PRIMPOL: variants seen among roughly 807,000 people sequenced by gnomAD.
The protein encoded by PRIMPOL is DNA-directed primase/polymerase protein.
PRIMPOL carries 54 observed loss-of-function variants against 63.6 expected under a neutral mutation model. That is an observed-to-expected ratio of 0.85 (90% CI 0.68 to 1.07). The LOEUF (loss-of-function observed/expected upper bound fraction) is 1.07, where lower values mean the gene tolerates loss of function less well. Ranked by LOEUF, PRIMPOL falls within the 50% of genes least tolerant of loss-of-function variation. The pLI, the probability that PRIMPOL is intolerant of heterozygous loss-of-function variation, is 0.00. For missense variants in PRIMPOL, 610 were observed against 648.3 expected (o/e 0.94, Z 0.64); for synonymous variants, 197 against 220.2 (o/e 0.89, Z 0.93).
intron 3 of PRIMPOL, 47 bp downstream of exon 3, chr4:184,657,367 C>T (rs755570443): frequency 3.9e-6 from 5 of 1,292,972 alleles, no homozygotes; most frequent in Non-Finnish European, 5.3e-6. Flanking sequence ...TCCACTTCCT[C>T]TTCTTTCTTC....
At chr4:184,692,411 T>C (rs1342701018) in intron 13 of PRIMPOL, among the ~76,000 whole-genome samples, 1 of 140,766 alleles carries the variant, frequency 7.1e-6, no homozygotes, top group Admixed American at 8.0e-5. Context: ...GAGGTGGAGG[T>C]TGCAGTGAGC....
At chr4:184,689,264 C>T (rs145943484) in intron 11 of PRIMPOL, among the ~76,000 whole-genome samples, 1 of 152,056 alleles carries the variant, frequency 6.6e-6, no homozygotes, top group African/African-American at 2.4e-5. Context: ...ATCTCCCTCT[C>T]TTGCCCAGGT....
At position 184,671,467 on chromosome 4, in the gene PRIMPOL, C is replaced by T. The variant is rs1751598911; in HGVS notation, c.557-706C>T. 2.0e-5 allele frequency among the ~76,000 whole-genome samples: 3 copies of T among 152,100 alleles called. No homozygotes were observed. The South Asian group carries it at 6.2e-4, about 32-fold the overall frequency. Reference sequence around the variant, plus strand: ...TTATTATTATTATTATTTTTATGATCTCTTAAGGGCACGAGAGCCCTTCAT... The same window carrying T: ...TTATTATTATTATTATTTTTATGATTTCTTAAGGGCACGAGAGCCCTTCAT... On this transcript the variant is annotated intron_variant, in intron 6 of 13. Transcript: ENST00000314970.
At chr4:184,690,842 A>C (rs1758329866) in intron 11 of PRIMPOL, among the ~76,000 whole-genome samples, 1 of 152,182 alleles carries the variant, frequency 6.6e-6, no homozygotes, top group African/African-American at 2.4e-5. Context: ...ACTCAGGTCT[A>C]AGCGTTTTCT....
Position 184,694,587 on chromosome 4 carries a change from A to AC in PRIMPOL, c.1493dup (p.Ser499IlefsTer3), listed in dbSNP as rs1328792156. The AC allele has an allele frequency of 6.2e-7, 1 of 1,614,034 alleles. No homozygotes were observed. Among genetic ancestry groups the AC allele is most frequent in the Non-Finnish European group, 8.5e-7 (1 of 1,180,010 alleles). On this transcript the variant is annotated frameshift_variant, in exon 14 of 14. Transcript: ENST00000314970. LOFTEE classifies it low-confidence loss of function (END_TRUNC). ...GCAATGAAACCCAGAATCCTCATAA[A>AC]CCATCACCTAGCAGGCTGTCAACAG...
At chr4:184,694,224 T>C in intron 13 of PRIMPOL, 1 of 1,094,576 alleles carries the variant, frequency 9.1e-7, no homozygotes. Context: ...ACTGTCCACT[T>C]GTTAAAAAAT....
chr4:184,692,625 T>C (rs1759064962), intron 13 of PRIMPOL, among the ~76,000 whole-genome samples: 1 of 151,884 alleles, frequency 6.6e-6, no homozygotes, highest in African/African-American at 2.4e-5. Flanking sequence ...CTCATTTTCT[T>C]TTTTTTTGAA....
intron 3 of PRIMPOL, among the ~76,000 whole-genome samples, chr4:184,657,947 C>T (rs1172941163): frequency 2.6e-5 from 4 of 151,896 alleles, no homozygotes; most frequent in South Asian, 4.2e-4. Context: ...GAGCCGAGAT[C>T]GCGCCATTGC....
At chr4:184,671,992 G>T (rs545870539) in intron 6 of PRIMPOL, among the ~76,000 whole-genome samples, 181 bp from the exon 7 acceptor site, 1 of 151,976 alleles carries the variant, frequency 6.6e-6, no homozygotes, top group Admixed American at 6.6e-5. Flanking sequence ...CGCCCGCCTC[G>T]GCCTCCCAAA....
intron 6 of PRIMPOL, among the ~76,000 whole-genome samples, chr4:184,668,723 A>G (rs370371575): frequency 4.3e-4 from 65 of 152,248 alleles, no homozygotes; most frequent in African/African-American, 1.5e-3. Flanking sequence ...TCCAGGGCTT[A>G]TGGTGTCAAA....
intron 6 of PRIMPOL, among the ~76,000 whole-genome samples, chr4:184,668,553 C>T (rs1750703070): frequency 6.6e-6 from 1 of 152,126 alleles, no homozygotes; most frequent in Non-Finnish European, 1.5e-5. Context: ...AGTCCATGGG[C>T]CTTTGAACCT....
At chr4:184,674,157 A>C (rs543269032) in intron 7 of PRIMPOL, among the ~76,000 whole-genome samples, 4 of 152,276 alleles carry the variant, frequency 2.6e-5, no homozygotes, top group South Asian at 4.1e-4. Context: ...AGGCTACCGG[A>C]CTAGCAAGGA....
At chr4:184,659,924 C>T (rs1264492382) in intron 4 of PRIMPOL, among the ~76,000 whole-genome samples, 2 of 151,986 alleles carry the variant, frequency 1.3e-5, no homozygotes, top group East Asian at 3.9e-4. Flanking sequence ...GAGTGCAAGT[C>T]GTTGTTCTGC....
At chr4:184,672,148 G>A (rs755045895) in intron 6 of PRIMPOL, 25 bp from the exon 7 acceptor site, 1 of 1,588,370 alleles carries the variant, frequency 6.3e-7, no homozygotes, top group South Asian at 1.1e-5. Flanking sequence ...AGATCCAGGT[G>A]AATGATAATA....
intron 7 of PRIMPOL, among the ~76,000 whole-genome samples, chr4:184,675,302 G>A (rs551030994): frequency 3.3e-5 from 5 of 152,194 alleles, no homozygotes. Context: ...GCAAGGGTGT[G>A]TGTATGTTTG....
intron 7 of PRIMPOL, among the ~76,000 whole-genome samples, chr4:184,676,319 CCCTTT>C (rs1205590174): frequency 4.0e-5 from 5 of 125,528 alleles, no homozygotes; most frequent in African/African-American, 1.3e-4. Context: ...CCCCTCCCTT[CCCTTT>C]CCTTCCCTTC....
In PRIMPOL at chr4:184,689,575, C is replaced by CG. The variant is rs1397276109; in HGVS notation, c.1296-1924_1296-1923insG. The stretch of plus-strand genomic sequence containing the variant: ...TCAAGCAATTCTCCTGCCTCAGCCC[C>CG]CCGAGTAGCTGGGATTACAGGTGCC... On this transcript the variant is annotated intron_variant, in intron 11 of 13. Transcript: ENST00000314970. Among the ~76,000 whole-genome samples, 11 of 151,564 alleles carry CG rather than the reference C, an allele frequency of 7.3e-5. 1 individual carries two copies. In the South Asian group the frequency reaches 1.7e-3, roughly 23 times the overall value.
At chr4:184,683,301 T>A (rs1038813995) in intron 9 of PRIMPOL, among the ~76,000 whole-genome samples, 6 of 151,684 alleles carry the variant, frequency 4.0e-5, no homozygotes, top group African/African-American at 1.2e-4. Flanking sequence ...CGGGTGCCTG[T>A]AATCCGAGCT....
At chr4:184,650,650 C>G (rs79898954) in intron 1 of PRIMPOL, among the ~76,000 whole-genome samples, 1,960 of 152,270 alleles carry the variant, frequency 0.013, 42 homozygotes, top group African/African-American at 0.045. Flanking sequence ...GGGTCGTGAA[C>G]TCATTTCAGA....
Sources: gnomAD v4.1 joint callset for allele counts (sites outside exome capture counted in the v4.1 genomes callset) on GRCh38, gnomAD v4.1.1 for gene constraint, MANE v1.5 for transcripts, NCBI Gene and HGNC (gene_info 2026-07-23, HGNC 2026-07-21) for gene names.